MBOAT2: variants seen among roughly 807,000 people sequenced by gnomAD.
MBOAT2 encodes membrane-bound glycerophospholipid O-acyltransferase 2.
Under a neutral mutation model 63.4 loss-of-function variants are expected in MBOAT2, and 28 were observed. The observed-to-expected ratio is 0.44, with a 90% CI of 0.33 to 0.61. The LOEUF is 0.61. Among genes scored for constraint, MBOAT2 ranks in the 20% least tolerant of loss-of-function variants. The pLI is 0.03. For synonymous variants in MBOAT2, 211 were observed against 215.6 expected (o/e 0.98, Z 0.19); for missense variants, 470 against 605.8 (o/e 0.78, Z 2.35).
At chr2:9,001,724 T>C (rs935562648) in intron 1 of MBOAT2, among the ~76,000 whole-genome samples, 1 of 152,254 alleles carries the variant, frequency 6.6e-6, no homozygotes, top group African/African-American at 2.4e-5. Flanking sequence ...GATGCTTAAA[T>C]GCGTTCATTA....
chr2:8,863,797 T>C (rs948838861), intron 10 of MBOAT2, among the ~76,000 whole-genome samples: 5 of 152,204 alleles, frequency 3.3e-5, no homozygotes, highest in Non-Finnish European at 7.3e-5. Flanking sequence ...ACCAGGACTG[T>C]TCTGGAGTAC....
chr2:8,931,014 A>T (rs1208114972), intron 3 of MBOAT2, among the ~76,000 whole-genome samples: 2 of 152,034 alleles, frequency 1.3e-5, no homozygotes, highest in Middle Eastern at 3.4e-3. Flanking sequence ...CCGCCACACC[A>T]AATCTTTGGC....
intron 1 of MBOAT2, among the ~76,000 whole-genome samples, chr2:8,995,802 A>G (rs750428840): frequency 9.2e-5 from 14 of 152,238 alleles, no homozygotes; most frequent in South Asian, 4.1e-4. Flanking sequence ...CGTGTTAGCC[A>G]GAATGGTCTC....
chr2:8,877,279 G>T (rs771975045), intron 6 of MBOAT2, 66 bp from the exon 7 acceptor site: 1 of 1,427,924 alleles, frequency 7.0e-7, no homozygotes, highest in South Asian at 1.3e-5. Context: ...ATAGAATAAC[G>T]ATCCACCTCA....
chr2:8,992,425 C>T (rs557046355), intron 1 of MBOAT2, among the ~76,000 whole-genome samples: 1 of 152,284 alleles, frequency 6.6e-6, no homozygotes, highest in South Asian at 2.1e-4. Flanking sequence ...GCATGAGCTA[C>T]CGTGCCCAGC....
chr2:8,876,701 A>AGGGAAGGAAAGGGGGAAGG (rs1378548252), intron 7 of MBOAT2, among the ~76,000 whole-genome samples: 2 of 148,186 alleles, frequency 1.3e-5, no homozygotes, highest in Non-Finnish European at 3.0e-5. Flanking sequence ...AAGAAAAGGA[A>AGGGAAGGAAAGGGGGAAGG]GGGAAGGAAA....
intron 3 of MBOAT2, among the ~76,000 whole-genome samples, chr2:8,930,870 A>C (rs1375696097): frequency 5.3e-5 from 8 of 152,136 alleles, no homozygotes; most frequent in East Asian, 3.9e-4. Context: ...ATAAAAAAAA[A>C]CAAAATCTAA....
At chr2:8,998,617 G>A (rs879334835) in intron 1 of MBOAT2, among the ~76,000 whole-genome samples, 21 of 150,946 alleles carry the variant, frequency 1.4e-4, no homozygotes, top group East Asian at 9.7e-4. Flanking sequence ...AGCGGGGGGC[G>A]GGGGTTGGGA....
chr2:8,926,963 C>G (rs1325320553), intron 3 of MBOAT2, among the ~76,000 whole-genome samples: 1 of 152,176 alleles, frequency 6.6e-6, no homozygotes, highest in Non-Finnish European at 1.5e-5. Flanking sequence ...GTCCTCAAAA[C>G]AACTCAATAG....
rs1384215580 is a variant in MBOAT2 at position 8,974,330 on chromosome 2, T to C, written c.76-15688A>G. ...ATTACTGGGAAAGTCTTCCTCACTC[T>C]TAAAAAGGGATACAACAAAGATACT... On this transcript the variant is annotated intron_variant, in intron 1 of 12. Transcript: ENST00000305997. The C allele has an allele frequency of 1.3e-5, 6 of 456,048 alleles. No individual in the cohort carries two copies. The Admixed American group carries it at 1.4e-4, about 11-fold the overall frequency. 28.3% of individuals were successfully genotyped at this position (456,048 alleles called of 1,614,324 possible).
chr2:8,912,543 A>C (rs557114411), intron 3 of MBOAT2, among the ~76,000 whole-genome samples: 119 of 152,260 alleles, frequency 7.8e-4, no homozygotes, highest in Non-Finnish European at 1.3e-3. Flanking sequence ...TCTTCTATAC[A>C]CCAACAGCAA....
At chr2:8,971,445 G>T (rs1670448035) in intron 1 of MBOAT2, among the ~76,000 whole-genome samples, 1 of 152,122 alleles carries the variant, frequency 6.6e-6, no homozygotes, top group Admixed American at 6.5e-5. Context: ...CATTCCCTTT[G>T]AAAACTGGCA....
intron 3 of MBOAT2, among the ~76,000 whole-genome samples, chr2:8,926,656 C>G (rs1215390556): frequency 6.6e-6 from 1 of 152,200 alleles, no homozygotes; most frequent in South Asian, 2.1e-4. Flanking sequence ...GCAGTCACAA[C>G]GGGTGCTGCG....
In MBOAT2 at chr2:9,003,536, G is replaced by A. The variant is rs1317235374; in HGVS notation, c.75+4C>T. Reference sequence around the variant, plus strand: ...ACGCCCGGCGCCAGGGCGCCTCGGGGTACCTGGTCGATGGGCAGCTGCACG... The same window carrying A: ...ACGCCCGGCGCCAGGGCGCCTCGGGATACCTGGTCGATGGGCAGCTGCACG... On this transcript the variant is annotated splice_donor_region_variant and intron_variant, in intron 1 of 12. Transcript: ENST00000305997. The surrounding 1 kb of genome is among the most constrained non-coding windows in gnomAD (Gnocchi z 5.4). 7 of 1,210,644 alleles carry A rather than the reference G, an allele frequency of 5.8e-6. No individual in the cohort carries two copies. Among genetic ancestry groups the A allele is most frequent in the East Asian group, 3.8e-5 (1 of 26,540 alleles). The allele number at this position is 1,210,644 out of a possible 1,614,324, so 75.0% of individuals were successfully genotyped here.
At chr2:8,859,688 A>C (rs960399699) in intron 12 of MBOAT2, among the ~76,000 whole-genome samples, 1 of 152,254 alleles carries the variant, frequency 6.6e-6, no homozygotes, top group Admixed American at 6.5e-5. Flanking sequence ...TAGAGTAATA[A>C]AGAATTTATA....
intron 5 of MBOAT2, among the ~76,000 whole-genome samples, chr2:8,887,516 C>T (rs1004127319): frequency 6.6e-5 from 10 of 152,128 alleles, no homozygotes; most frequent in African/African-American, 2.4e-4. Flanking sequence ...CTTCAGTCTT[C>T]GAAGGAATCA....
chr2:8,898,666 T>C (rs959214046), intron 4 of MBOAT2, among the ~76,000 whole-genome samples: 3 of 151,770 alleles, frequency 2.0e-5, no homozygotes, highest in Non-Finnish European at 4.4e-5. Context: ...GGCCAGTGCC[T>C]GACCAAACAG....
At chr2:8,984,806 C>CT (rs1671443194) in intron 1 of MBOAT2, among the ~76,000 whole-genome samples, 1 of 152,148 alleles carries the variant, frequency 6.6e-6, no homozygotes, top group Non-Finnish European at 1.5e-5. Context: ...TTTTACATAA[C>CT]TACCTTTTAA....
chr2:8,858,448 G>A lies in MBOAT2; in HGVS notation c.*231C>T, dbSNP rs146132993. Reference sequence around the variant, plus strand: ...ACGGACAAGTGCTGAGGTTGGGAGTGCCCACTGAAATATGGAAATATTCTT... The same window carrying A: ...ACGGACAAGTGCTGAGGTTGGGAGTACCCACTGAAATATGGAAATATTCTT... On this transcript the variant is annotated 3_prime_UTR_variant, in exon 13 of 13. Transcript: ENST00000305997. 3.2e-4 allele frequency: 149 copies of A among 461,756 alleles called. 1 individual carries two copies. In the East Asian group the frequency reaches 4.9e-3, roughly 15 times the overall value. The allele number at this position is 461,756 out of a possible 1,614,324, so 28.6% of individuals were successfully genotyped here.
Sources: allele counts gnomAD v4.1 joint callset (sites outside exome capture counted in the v4.1 genomes callset), GRCh38; gene constraint gnomAD v4.1.1; non-coding constraint Gnocchi (gnomAD v3.1); transcripts MANE v1.5; gene names NCBI Gene and HGNC (gene_info 2026-07-23, HGNC 2026-07-21).